Variants in SOD2 observed in about 807,000 individuals in gnomAD.
SOD2 encodes superoxide dismutase 2, also known as superoxide dismutase [Mn], mitochondrial.
In SOD2, 11 loss-of-function variants were observed where a neutral mutation model predicts 27.0. The ratio of observed to expected loss-of-function variants is 0.41; its 90% CI spans 0.26 to 0.67. SOD2 has a LOEUF of 0.67. SOD2 is among the 30% of genes least tolerant of loss of function. SOD2 has a pLI of 0.34. For synonymous variants in SOD2, 105 were observed against 103.0 expected (o/e 1.02, Z -0.12); for missense variants, 250 against 274.5 (o/e 0.91, Z 0.63).
At chr6:159,724,129 C>T (rs1018799925) in intron 1 of SOD2, among the ~76,000 whole-genome samples, 2 of 151,828 alleles carry the variant, frequency 1.3e-5, no homozygotes, top group African/African-American at 4.8e-5. Flanking sequence ...CCCCCACCCC[C>T]GGATGAATGA....
chr6:159,758,565 G>A (rs948912211), intron 1 of SOD2, among the ~76,000 whole-genome samples: 3 of 152,172 alleles, frequency 2.0e-5, no homozygotes, highest in African/African-American at 7.2e-5. Flanking sequence ...ATTGCCTGCT[G>A]CTCTACGTCA....
At chr6:159,694,816 AT>A (rs1482861954), upstream of SOD2, among the ~76,000 whole-genome samples, 2 of 147,926 alleles carry the variant, frequency 1.4e-5, no homozygotes, top group Admixed American at 6.8e-5. Context: ...GTTGGTCAGG[AT>A]GGTCTCGAAC....
chr6:159,743,517 C>A, intron 1 of SOD2: 1 of 677,884 alleles, frequency 1.5e-6, no homozygotes, highest in Non-Finnish European at 2.3e-6. Flanking sequence ...GCTCTCGTGA[C>A]CAGGAAGAAA....
intron 1 of SOD2, among the ~76,000 whole-genome samples, chr6:159,719,625 C>CAA (rs1159589385): frequency 6.0e-4 from 38 of 63,686 alleles, no homozygotes; most frequent in Admixed American, 1.3e-3. Flanking sequence ...CACCCTTTCT[C>CAA]AAAAAAAAAA....
In SOD2 at chr6:159,675,831, A is replaced by T. The variant is rs1367934646; in HGVS notation, c.*6662T>A. The T allele has an allele frequency of 1.3e-5, 2 of 152,196 alleles. No homozygotes were observed. The highest frequency in any genetic ancestry group is 2.9e-5 in the Non-Finnish European group (2 of 68,046). The allele number at this position is 152,196 out of a possible 1,614,324, so 9.4% of individuals were successfully genotyped here. A position where few individuals can be genotyped will look rare whatever the true frequency, so the allele number is the denominator to read the frequency against. On this transcript the variant is annotated 3_prime_UTR_variant, in exon 5 of 5. Coordinates refer to ENST00000538183, the MANE Select transcript of SOD2 (RefSeq NM_000636.4). ...CAGGCAACCTACAAAATGGGAGAAA[A>T]TTTTTGCAATCTACTCATCTGACAA...
intron 1 of SOD2, chr6:159,713,282 C>G: frequency 1.5e-6 from 1 of 681,504 alleles, no homozygotes; most frequent in Non-Finnish European, 2.6e-6. Flanking sequence ...GCCTCTATAC[C>G]CTCCACCATA....
chr6:159,705,729 A>C (rs1301260167), intron 1 of SOD2, among the ~76,000 whole-genome samples: 1 of 152,250 alleles, frequency 6.6e-6, no homozygotes, highest in Non-Finnish European at 1.5e-5. Context: ...CCAACCTAGC[A>C]AGGCAGGCCA....
At chr6:159,702,648 T>G (rs1277274227) in intron 1 of SOD2, among the ~76,000 whole-genome samples, 1 of 92,616 alleles carries the variant, frequency 1.1e-5, no homozygotes, top group African/African-American at 4.8e-5. Flanking sequence ...GGAAGCTCTA[T>G]CTCTCCAAAA....
rs77349174 is a variant in SOD2, at chr6:159,741,837, C to T, written c.-116+3293G>A. The T allele has an allele frequency of 1.0e-2, 3,154 of 315,606 alleles. 116 individuals carry two copies. The highest frequency in any genetic ancestry group is 0.066 in the African/African-American group (2,921 of 44,404). The allele number at this position is 315,606 out of a possible 1,614,324, so 19.6% of individuals were successfully genotyped here. On this transcript the variant is annotated intron_variant, in intron 1 of 3. Transcript: ENST00000537657. ...ACCCCATCTCTACAAAAAAATGAGC[C>T]ATGTGCCTTTGGTCCCAGCTATACA...
upstream of SOD2, among the ~76,000 whole-genome samples, chr6:159,728,603 A>C (rs530600814): frequency 6.6e-6 from 1 of 152,234 alleles, no homozygotes. Context: ...AATTTTGACC[A>C]TTAAGTTTTC....
chr6:159,713,276 C>G lies in SOD2; in HGVS notation c.-116+13853G>C. Reference sequence around the variant, plus strand: ...ACAGCCACGATAGTCATCATAGCCTCTATACCCTCCACCATAGGGACCCTG... The same window carrying G: ...ACAGCCACGATAGTCATCATAGCCTGTATACCCTCCACCATAGGGACCCTG... On this transcript the variant is annotated intron_variant, in intron 1 of 2. Transcript: ENST00000401980. The G allele has an allele frequency of 4.3e-6, 3 of 691,636 alleles. No individual in the cohort carries two copies. The South Asian group carries it at 5.4e-5, about 12-fold the overall frequency. The allele number at this position is 691,636 out of a possible 1,614,324, so 42.8% of individuals were successfully genotyped here.
At chr6:159,755,466 T>A (rs758466866) in intron 1 of SOD2, 7 of 1,613,864 alleles carry the variant, frequency 4.3e-6, no homozygotes, top group Non-Finnish European at 5.1e-6. Flanking sequence ...GAAAACTCTC[T>A]CACACACCAA....
At chr6:159,761,386 G>A in exon 1 of SOD2, 1 of 359,874 alleles carries the variant, frequency 2.8e-6, no homozygotes, top group Non-Finnish European at 5.5e-6. Context: ...TCAACCAAAG[G>A]AACTTTTGTG....
chr6:159,710,966 C>T (rs1348240006), intron 1 of SOD2, among the ~76,000 whole-genome samples: 2 of 132,986 alleles, frequency 1.5e-5, no homozygotes, highest in Non-Finnish European at 3.4e-5. Context: ...CTCTGACCTC[C>T]ATAACCACCT....
At chr6:159,723,568 C>G (rs1174325837) in intron 1 of SOD2, among the ~76,000 whole-genome samples, 2 of 152,206 alleles carry the variant, frequency 1.3e-5, no homozygotes, top group Non-Finnish European at 2.9e-5. Context: ...AAACCAAGAT[C>G]TCAGTGTCAG....
intron 1 of SOD2, chr6:159,741,893 C>T (rs964961811): frequency 4.3e-6 from 2 of 470,072 alleles, no homozygotes; most frequent in East Asian, 4.2e-5. Flanking sequence ...CGCTTGAGCC[C>T]AGACCCTGTT....
intron 1 of SOD2, among the ~76,000 whole-genome samples, chr6:159,738,198 A>G (rs1195712244): frequency 6.6e-6 from 1 of 152,244 alleles, no homozygotes; most frequent in Non-Finnish European, 1.5e-5. Context: ...AACTATCACC[A>G]TAAAGCTTCA....
At chr6:159,691,480 T>C (rs1438298651) in intron 2 of SOD2, 2 of 152,232 alleles carry the variant, frequency 1.3e-5, no homozygotes, top group East Asian at 1.9e-4. Flanking sequence ...ACAAATTTCA[T>C]AACCCCGAAA....
Position 159,725,034 on chromosome 6 carries a change from C to G in SOD2, c.-116+2095G>C, listed in dbSNP as rs373915066. Among the ~76,000 whole-genome samples the G allele has an allele frequency of 1.0e-3, 153 of 152,164 alleles. 1 individual carries two copies. Among genetic ancestry groups the G allele is most frequent in the African/African-American group, 3.6e-3 (148 of 41,518 alleles). On this transcript the variant is annotated intron_variant, in intron 1 of 2. Transcript: ENST00000401980. ...TACAGTGGGATGCAAAACACACCTA[C>G]ACAAAGAACCAACTTTCCCTATGCT...
Sources: gnomAD v4.1 joint callset for allele counts (sites outside exome capture counted in the v4.1 genomes callset) on GRCh38, gnomAD v4.1.1 for gene constraint, MANE v1.5 for transcripts, NCBI Gene and HGNC (gene_info 2026-07-23, HGNC 2026-07-21) for gene names.